Variants in DPP4 observed in about 807,000 individuals in gnomAD.
DPP4 encodes dipeptidyl peptidase 4, also known as ADCP-2.
Under a neutral mutation model 122.4 loss-of-function variants are expected in DPP4, and 93 were observed. The ratio of observed to expected loss-of-function variants is 0.76; its 90% CI spans 0.64 to 0.90. The LOEUF (loss-of-function observed/expected upper bound fraction) is 0.90. Among genes scored for constraint, DPP4 ranks in the 40% least tolerant of loss-of-function variants. The probability of loss-of-function intolerance (pLI) is 0.00; values close to 1 mark genes in which losing one functional copy is unlikely to be tolerated. For missense variants in DPP4, 914 were observed against 907.3 expected (o/e 1.01, Z -0.09); for synonymous variants, 321 against 302.9 (o/e 1.06, Z -0.62).
intron 18 of DPP4, 31 bp downstream of exon 18, chr2:162,016,737 A>C: frequency 5.3e-6 from 8 of 1,517,232 alleles, no homozygotes; most frequent in Non-Finnish European, 6.3e-6. Flanking sequence ...TGTTTCCATG[A>C]AAAGTACTAT....
intron 2 of DPP4, among the ~76,000 whole-genome samples, chr2:162,065,393 G>C (rs1052099998): frequency 2.6e-5 from 4 of 152,180 alleles, no homozygotes; most frequent in Admixed American, 1.3e-4. Context: ...AAAACTCCAA[G>C]GATGGCAGAG....
intron 8 of DPP4, among the ~76,000 whole-genome samples, chr2:162,037,471 T>C (rs1481516244): frequency 6.6e-6 from 1 of 152,200 alleles, no homozygotes; most frequent in Non-Finnish European, 1.5e-5. Context: ...ATGAGTCAAC[T>C]AAACTTGACT....
intron 8 of DPP4, among the ~76,000 whole-genome samples, chr2:162,036,583 T>A (rs1683778580): frequency 6.6e-6 from 1 of 152,200 alleles, no homozygotes; most frequent in African/African-American, 2.4e-5. Flanking sequence ...TTCATCTCAG[T>A]GCTATACTGC....
intron 5 of DPP4, among the ~76,000 whole-genome samples, chr2:162,042,885 G>T (rs1359892745): frequency 6.6e-6 from 1 of 152,166 alleles, no homozygotes; most frequent in Admixed American, 6.5e-5. Flanking sequence ...GGGTTAACGT[G>T]ACAGAGACTG....
intron 2 of DPP4, among the ~76,000 whole-genome samples, chr2:162,053,326 G>A (rs772032296): frequency 3.3e-5 from 5 of 152,220 alleles, no homozygotes; most frequent in African/African-American, 7.2e-5. Flanking sequence ...AGAGTGCCAC[G>A]GCCTAGGCCA....
intron 23 of DPP4, among the ~76,000 whole-genome samples, chr2:161,995,871 G>C (rs983262638): frequency 6.6e-6 from 1 of 152,196 alleles, no homozygotes; most frequent in Non-Finnish European, 1.5e-5. Flanking sequence ...GGTCCACATT[G>C]CTGAGCTCTG....
chr2:162,036,799 G>A (rs1026892124), intron 8 of DPP4, among the ~76,000 whole-genome samples: 22 of 152,270 alleles, frequency 1.4e-4, no homozygotes, highest in Admixed American at 1.3e-3. Flanking sequence ...GAGGCATGGA[G>A]CAATCCAGTG....
intron 10 of DPP4, among the ~76,000 whole-genome samples, chr2:162,027,772 C>G (rs1325589048): frequency 6.6e-6 from 1 of 152,088 alleles, no homozygotes; most frequent in East Asian, 1.9e-4. Context: ...CAACCTTTCC[C>G]CATTTGAAAA....
At chr2:162,073,314 A>G in intron 2 of DPP4, 85 bp downstream of exon 2, 1 of 1,433,030 alleles carries the variant, frequency 7.0e-7, no homozygotes, top group African/African-American at 1.4e-5. Flanking sequence ...ACCCCACGCA[A>G]AATCCCTCGT....
At chr2:162,014,758 T>C (rs1559709287) in intron 18 of DPP4, among the ~76,000 whole-genome samples, 1 of 152,258 alleles carries the variant, frequency 6.6e-6, no homozygotes, top group Non-Finnish European at 1.5e-5. Context: ...TTTGTTTTTA[T>C]GATTCTGTTC....
Position 162,047,389 on chromosome 2 carries a change from C to T in DPP4, c.193+14G>A. On this transcript the variant is annotated intron_variant, in intron 3 of 25. Transcript: ENST00000360534. ...TGTAAGCATAAAATCTGCCCTACCC[C>T]AAAAAATTCTTACCTGAAATCCATC... 1.3e-6 allele frequency: 2 copies of T among 1,496,684 alleles called. No individual in the cohort carries two copies. The highest frequency in any genetic ancestry group is 1.4e-5 in the South Asian group (1 of 73,518). 92.7% of individuals were successfully genotyped at this position (1,496,684 alleles called of 1,614,324 possible).
chr2:162,053,075 A>G (rs1034558420), intron 2 of DPP4, among the ~76,000 whole-genome samples: 2 of 152,252 alleles, frequency 1.3e-5, no homozygotes, highest in African/African-American at 4.8e-5. Context: ...AATTATAGAC[A>G]GAGTTCATAA....
At chr2:162,006,698 A>G (rs573226437) in intron 22 of DPP4, among the ~76,000 whole-genome samples, 1 of 152,288 alleles carries the variant, frequency 6.6e-6, no homozygotes, top group South Asian at 2.1e-4. Context: ...ATGATACATT[A>G]TATATATTTG....
chr2:162,065,646 CT>C (rs1684922121), intron 2 of DPP4, among the ~76,000 whole-genome samples: 1 of 152,176 alleles, frequency 6.6e-6, no homozygotes, highest in African/African-American at 2.4e-5. Context: ...CGGAGGTGCA[CT>C]GCATGCCTCA....
chr2:162,010,807 C>G (rs1407512209), intron 20 of DPP4, among the ~76,000 whole-genome samples: 1 of 152,118 alleles, frequency 6.6e-6, no homozygotes. Context: ...AATCCTTAAT[C>G]AATTGTCATC....
intron 12 of DPP4, 118 bp downstream of exon 12, chr2:162,022,637 A>G (rs1683171594): frequency 3.3e-6 from 3 of 920,926 alleles, no homozygotes; most frequent in African/African-American, 1.7e-5. Flanking sequence ...TTTGAGAAAT[A>G]GGTTAACTAA....
chr2:162,012,936 C>T (rs1043989805), intron 19 of DPP4, among the ~76,000 whole-genome samples: 2 of 151,994 alleles, frequency 1.3e-5, no homozygotes, highest in African/African-American at 2.4e-5. Context: ...AAAGAACTTT[C>T]GTTTTAAACA....
chr2:162,031,323 T>C (rs1306124160), intron 10 of DPP4, among the ~76,000 whole-genome samples: 2 of 152,220 alleles, frequency 1.3e-5, no homozygotes, highest in African/African-American at 2.4e-5. Context: ...GGACAAGGAC[T>C]AGACCTGCCA....
intron 2 of DPP4, among the ~76,000 whole-genome samples, chr2:162,071,107 T>C (rs1475872811): frequency 6.6e-6 from 1 of 152,182 alleles, no homozygotes; most frequent in Non-Finnish European, 1.5e-5. Flanking sequence ...CTTCCCACTG[T>C]CATGGCCAAC....
Sources: gnomAD v4.1 joint callset for allele counts (sites outside exome capture counted in the v4.1 genomes callset) on GRCh38, gnomAD v4.1.1 for gene constraint, MANE v1.5 for transcripts, NCBI Gene and HGNC (gene_info 2026-07-23, HGNC 2026-07-21) for gene names.